The following NKAIN2 variants were observed in gnomAD, a reference collection of about 807,000 sequenced individuals.
The protein encoded by NKAIN2 is sodium/potassium-transporting ATPase subunit beta-1-interacting protein 2.
Under a neutral mutation model 32.6 loss-of-function variants are expected in NKAIN2, and 14 were observed. That is an observed-to-expected ratio of 0.43 (90% confidence interval 0.28 to 0.67). The LOEUF (loss-of-function observed/expected upper bound fraction) is 0.67, where lower values mean the gene tolerates loss of function less well. Among genes scored for constraint, NKAIN2 ranks in the 30% least tolerant of loss-of-function variants. The pLI, the probability that NKAIN2 is intolerant of heterozygous loss-of-function variation, is 0.17. For synonymous variants in NKAIN2, 80 were observed against 87.2 expected, an observed-to-expected ratio of 0.92 and a Z score of 0.46; for missense variants, 198 against 258.3, an observed-to-expected ratio of 0.77 and a Z score of 1.60.
rs548589309 is a variant in NKAIN2, at chr6:123,959,414, A to G, written c.54+155160A>G. ...AGTCCTTCAGGCAACTAGGCAAGAA[A>G]GAAGTGAGAAACATAGATTTAACAC... On this transcript the variant is annotated intron_variant, in intron 1 of 6. Coordinates refer to ENST00000368417, the MANE Select transcript of NKAIN2 (RefSeq NM_001040214.3). 2.8e-4 allele frequency among the ~76,000 whole-genome samples: 42 copies of G among 152,294 alleles called. 1 individual carries two copies. The highest frequency in any genetic ancestry group is 2.5e-3 in the Admixed American group (39 of 15,306).
chr6:124,660,014 A>T (rs1177798972), intron 4 of NKAIN2, among the ~76,000 whole-genome samples: 2 of 152,178 alleles, frequency 1.3e-5, no homozygotes, highest in Non-Finnish European at 2.9e-5. Context: ...CTGAAGTAAA[A>T]ATAAGTTAGA....
At chr6:124,265,079 A>G (rs1309659536) in intron 1 of NKAIN2, among the ~76,000 whole-genome samples, 1 of 152,156 alleles carries the variant, frequency 6.6e-6, no homozygotes, top group Non-Finnish European at 1.5e-5. Context: ...ACATGTAGAT[A>G]TAGAAATAGG....
chr6:124,684,738 G>A (rs1356463670), intron 4 of NKAIN2, among the ~76,000 whole-genome samples: 1 of 152,110 alleles, frequency 6.6e-6, no homozygotes, highest in Non-Finnish European at 1.5e-5. Context: ...CAGCCATTCA[G>A]TCACTTAACT....
At chr6:124,422,111 A>G (rs922692155) in intron 3 of NKAIN2, among the ~76,000 whole-genome samples, 1 of 152,088 alleles carries the variant, frequency 6.6e-6, no homozygotes, top group Admixed American at 6.6e-5. Flanking sequence ...GAGGTATTAA[A>G]TAGTTTATGG....
rs1353226440 is a variant in NKAIN2, at chr6:124,525,244, A to G, written c.274-132942A>G. Among the ~76,000 whole-genome samples, 4 of 152,078 alleles carry G rather than the reference A, an allele frequency of 2.6e-5. No homozygotes were observed. The South Asian group carries it at 6.2e-4, about 24-fold the overall frequency. On this transcript the variant is annotated intron_variant, in intron 3 of 6. Transcript: ENST00000368417. ...TTGGACTTAGAATTGTTTTTTCCAA[A>G]TTCAGTTTTTAATTATAACTGTCTA...
intron 5 of NKAIN2, among the ~76,000 whole-genome samples, chr6:124,810,551 T>G (rs1009046094): frequency 8.6e-5 from 13 of 152,044 alleles, no homozygotes; most frequent in African/African-American, 2.9e-4. Context: ...AGTTAGTGGG[T>G]GCAGCACACC....
chr6:123,982,758 GA>G, intron 1 of NKAIN2, among the ~76,000 whole-genome samples: 1 of 152,086 alleles, frequency 6.6e-6, no homozygotes, highest in Non-Finnish European at 1.5e-5. Context: ...TTTGAGATGA[GA>G]ATGAATAGTG....
intron 3 of NKAIN2, among the ~76,000 whole-genome samples, chr6:124,554,130 G>C (rs1350952277): frequency 1.3e-5 from 2 of 152,158 alleles, no homozygotes; most frequent in Non-Finnish European, 2.9e-5. Flanking sequence ...TATTGTCTTT[G>C]CTAAACTTTC....
chr6:124,425,306 A>G (rs1404339745), intron 3 of NKAIN2, among the ~76,000 whole-genome samples: 3 of 152,190 alleles, frequency 2.0e-5, no homozygotes, highest in Non-Finnish European at 4.4e-5. Context: ...TATGATATAC[A>G]CAATAATCAA....
intron 3 of NKAIN2, among the ~76,000 whole-genome samples, chr6:124,635,297 A>G (rs1783733969): frequency 6.6e-6 from 1 of 152,078 alleles, no homozygotes. Context: ...ACAAAAGTAT[A>G]TAAAACTCAC....
intron 3 of NKAIN2, among the ~76,000 whole-genome samples, chr6:124,389,752 G>T (rs911890368): frequency 5.1e-5 from 7 of 136,510 alleles, no homozygotes; most frequent in African/African-American, 8.3e-5. Context: ...TGTGTGTGTG[G>T]GTTTGAATCT....
intron 3 of NKAIN2, among the ~76,000 whole-genome samples, chr6:124,476,047 T>TGA (rs529640624): frequency 2.4e-4 from 34 of 138,794 alleles, no homozygotes; most frequent in Middle Eastern, 3.6e-3. Flanking sequence ...AGTGTGTGTG[T>TGA]GAGAGAGAGA....
chr6:124,447,609 G>T (rs756214581), intron 3 of NKAIN2, among the ~76,000 whole-genome samples: 2 of 152,074 alleles, frequency 1.3e-5, no homozygotes, highest in Admixed American at 1.3e-4. Flanking sequence ...GTGATTGAAC[G>T]GCACTTTCTT....
chr6:124,347,238 C>A (rs1798473139), intron 2 of NKAIN2, among the ~76,000 whole-genome samples: 2 of 152,092 alleles, frequency 1.3e-5, no homozygotes, highest in Admixed American at 6.5e-5. Flanking sequence ...TTGTGGGTAA[C>A]CCGACCTTTC....
intron 1 of NKAIN2, among the ~76,000 whole-genome samples, chr6:123,997,125 C>A (rs1431281868): frequency 5.3e-5 from 8 of 152,120 alleles, no homozygotes; most frequent in Admixed American, 5.2e-4. Context: ...AGATCTAGTA[C>A]AACGTGTGAT....
At chr6:124,540,440 A>G (rs1477086944) in intron 3 of NKAIN2, among the ~76,000 whole-genome samples, 1 of 152,248 alleles carries the variant, frequency 6.6e-6, no homozygotes, top group African/African-American at 2.4e-5. Flanking sequence ...CTATCTACTG[A>G]TAATTTTGCG....
rs1773105515 is a variant in NKAIN2, at chr6:124,671,660, A to G, written c.474+13274A>G. On this transcript the variant is annotated intron_variant, in intron 4 of 6. Transcript: ENST00000368417. ...TTAATCCATTTCTTTCCAGGCATAA[A>G]AACTATATAGAGCCTCATGATAAAA... Among the ~76,000 whole-genome samples, 3 of 152,076 alleles carry G rather than the reference A, an allele frequency of 2.0e-5. No individual in the cohort carries two copies. The South Asian group carries it at 6.2e-4, about 31-fold the overall frequency.
intron 1 of NKAIN2, among the ~76,000 whole-genome samples, chr6:124,054,174 G>T (rs1413014013): frequency 6.6e-6 from 1 of 152,012 alleles, no homozygotes; most frequent in Non-Finnish European, 1.5e-5. Context: ...CAGGTCTTCT[G>T]ATGCAAAGGC....
At chr6:124,708,625 A>C (rs868512487) in intron 4 of NKAIN2, among the ~76,000 whole-genome samples, 2,213 of 151,258 alleles carry the variant, frequency 0.015, 52 homozygotes, top group African/African-American at 0.051. Flanking sequence ...GAGTTCACTC[A>C]TGATTTGGCT....
Sources: gnomAD v4.1 joint callset for allele counts (sites outside exome capture counted in the v4.1 genomes callset) on GRCh38, gnomAD v4.1.1 for gene constraint, MANE v1.5 for transcripts, NCBI Gene and HGNC (gene_info 2026-07-23, HGNC 2026-07-21) for gene names.